The following SCFD2 variants were observed in gnomAD, a reference collection of about 807,000 sequenced individuals.
SCFD2 encodes sec1 family domain-containing protein 2.
SCFD2 carries 54 observed loss-of-function variants against 58.9 expected under a neutral mutation model. The ratio of observed to expected loss-of-function variants is 0.92; its 90% confidence interval spans 0.74 to 1.15. The LOEUF is 1.15. Among genes scored for constraint, SCFD2 ranks in the 50% most tolerant of loss-of-function variants. SCFD2 has a pLI of 0.00. For missense variants in SCFD2, 805 were observed against 836.6 expected (o/e 0.96, Z 0.47); for synonymous variants, 321 against 335.9 (o/e 0.96, Z 0.49).
chr4:53,131,079 A>G (rs1180510442), intron 5 of SCFD2, among the ~76,000 whole-genome samples: 1 of 152,242 alleles, frequency 6.6e-6, no homozygotes, highest in African/African-American at 2.4e-5. Flanking sequence ...ATTTTAAATC[A>G]TTAAGCATAA....
chr4:53,124,028 TC>T, intron 5 of SCFD2, among the ~76,000 whole-genome samples: 1 of 152,318 alleles, frequency 6.6e-6, no homozygotes, highest in African/African-American at 2.4e-5. Context: ...CTTTGTGTAC[TC>T]TAGTGATGAG....
chr4:53,184,628 C>T (rs1056804101), intron 4 of SCFD2, among the ~76,000 whole-genome samples: 2 of 152,108 alleles, frequency 1.3e-5, no homozygotes, highest in Non-Finnish European at 1.5e-5. Context: ...GCAAATTTAA[C>T]TAATATCTAC....
At chr4:53,224,489 T>G (rs1052650200) in intron 4 of SCFD2, among the ~76,000 whole-genome samples, 1 of 152,152 alleles carries the variant, frequency 6.6e-6, no homozygotes, top group African/African-American at 2.4e-5. Context: ...TACCCTGAGA[T>G]TGCCATGATG....
chr4:53,282,779 G>GT (rs1204565001), intron 3 of SCFD2, among the ~76,000 whole-genome samples: 1 of 152,010 alleles, frequency 6.6e-6, no homozygotes, highest in African/African-American at 2.4e-5. Flanking sequence ...ATTGAACTCT[G>GT]TTTTTTTAAT....
chr4:53,018,414 C>A (rs548383423), intron 5 of SCFD2, among the ~76,000 whole-genome samples: 1 of 152,242 alleles, frequency 6.6e-6, no homozygotes, highest in East Asian at 1.9e-4. Flanking sequence ...AACATGATAT[C>A]CGAAATAAGG....
chr4:53,083,825 G>C (rs1249779556), intron 5 of SCFD2, among the ~76,000 whole-genome samples: 1 of 152,166 alleles, frequency 6.6e-6, no homozygotes, highest in Non-Finnish European at 1.5e-5. Context: ...TAAGAACAGA[G>C]AGTAGGTATA....
intron 4 of SCFD2, among the ~76,000 whole-genome samples, chr4:53,149,348 T>C (rs555540907): frequency 6.6e-6 from 1 of 152,298 alleles, no homozygotes; most frequent in Non-Finnish European, 1.5e-5. Context: ...ACAAGCCAAA[T>C]GTAAGACTTC....
At chr4:53,322,820 TG>T (rs1347113592) in intron 2 of SCFD2, among the ~76,000 whole-genome samples, 1 of 152,206 alleles carries the variant, frequency 6.6e-6, no homozygotes, top group Non-Finnish European at 1.5e-5. Context: ...CTTGCTCCAC[TG>T]GGGAACTCTA....
chr4:53,347,747 G>A (rs908513490), intron 2 of SCFD2, among the ~76,000 whole-genome samples: 1 of 152,210 alleles, frequency 6.6e-6, no homozygotes, highest in Non-Finnish European at 1.5e-5. Flanking sequence ...AAGAGACACA[G>A]TCAGAGGGGA....
chr4:53,298,327 C>A (rs958778472), intron 3 of SCFD2, among the ~76,000 whole-genome samples: 1 of 152,172 alleles, frequency 6.6e-6, no homozygotes, highest in African/African-American at 2.4e-5. Context: ...GGGTCCTATA[C>A]CCATGGAGCC....
chr4:52,952,317 C>T (rs1294324590), intron 5 of SCFD2, among the ~76,000 whole-genome samples: 3 of 146,184 alleles, frequency 2.1e-5, no homozygotes, highest in African/African-American at 5.0e-5. Flanking sequence ...AATGGTCCCA[C>T]GTGAGGCCCA....
At chr4:52,998,431 G>T (rs1195141460) in intron 5 of SCFD2, among the ~76,000 whole-genome samples, 2 of 152,172 alleles carry the variant, frequency 1.3e-5, no homozygotes, top group Admixed American at 6.5e-5. Context: ...ATGGCCAACT[G>T]CATATTCAGC....
chr4:53,277,571 C>T (rs1381191845), intron 3 of SCFD2, among the ~76,000 whole-genome samples: 1 of 152,088 alleles, frequency 6.6e-6, no homozygotes, highest in Non-Finnish European at 1.5e-5. Context: ...CCTCTCCAAC[C>T]CCATCTCCTC....
intron 3 of SCFD2, among the ~76,000 whole-genome samples, chr4:53,291,411 G>C (rs1327519901): frequency 6.6e-6 from 1 of 151,786 alleles, no homozygotes; most frequent in Non-Finnish European, 1.5e-5. Context: ...TAGAAATACA[G>C]CTAACAAGGG....
chr4:52,876,000 G>T (rs35181172), intron 8 of SCFD2, among the ~76,000 whole-genome samples: 1 of 151,670 alleles, frequency 6.6e-6, no homozygotes, highest in Admixed American at 6.6e-5. Context: ...GCATGATTTA[G>T]ACACCGTTTG....
chr4:53,010,521 G>A (rs1722071038), intron 5 of SCFD2, among the ~76,000 whole-genome samples: 2 of 152,196 alleles, frequency 1.3e-5, no homozygotes, highest in South Asian at 4.1e-4. Flanking sequence ...ATAGCAATGA[G>A]GACAGAACAT....
intron 7 of SCFD2, among the ~76,000 whole-genome samples, chr4:52,900,215 G>A (rs1000101493): frequency 6.6e-6 from 1 of 152,190 alleles, no homozygotes. Flanking sequence ...CTTTGGAGGA[G>A]GAGAGGCGCT....
intron 3 of SCFD2, among the ~76,000 whole-genome samples, chr4:53,285,517 T>G (rs1350917536): frequency 6.6e-6 from 1 of 151,934 alleles, no homozygotes; most frequent in African/African-American, 2.4e-5. Flanking sequence ...TTAAGAAGAC[T>G]GATAAGAAAG....
At chr4:53,237,997 CAG>C (rs1312601157) in intron 4 of SCFD2, among the ~76,000 whole-genome samples, 1 of 130,640 alleles carries the variant, frequency 7.7e-6, no homozygotes, top group Non-Finnish European at 1.7e-5. Context: ...GCTGGCCGGG[CAG>C]GGGGCTGATC....
Sources: allele counts gnomAD v4.1 joint callset (sites outside exome capture counted in the v4.1 genomes callset), GRCh38; gene constraint gnomAD v4.1.1; transcripts MANE v1.5; gene names NCBI Gene and HGNC (gene_info 2026-07-23, HGNC 2026-07-21).